Variants in CD2BP2 observed in about 807,000 individuals in gnomAD.
CD2BP2 encodes the protein CD2 cytoplasmic tail binding protein 2.
Under a neutral mutation model 35.9 loss-of-function variants are expected in CD2BP2, and 27 were observed. The observed-to-expected ratio is 0.75, with a 90% CI of 0.55 to 1.04. The LOEUF is 1.04. Ranked by LOEUF, CD2BP2 falls within the 50% of genes least tolerant of loss-of-function variation. CD2BP2 has a pLI of 0.00. For missense variants in CD2BP2, 497 were observed against 444.3 expected, an observed-to-expected ratio of 1.12 and a Z score of -1.07; for synonymous variants, 213 against 173.5, an observed-to-expected ratio of 1.23 and a Z score of -1.79.
In CD2BP2 at chr16:30,353,241, A is replaced by G; in HGVS notation, c.855T>C (p.Tyr285=). The part of the protein sequence containing the change: ...GDGLVDVMWE[Y]KWENTGDAEL... Reference sequence around the variant, plus strand: ...CGGCATCCCCCGTGTTCTCCCACTTATATTCCCACATCACATCCACCAGAC... The same window carrying G: ...CGGCATCCCCCGTGTTCTCCCACTTGTATTCCCACATCACATCCACCAGAC... Residue 285 remains tyrosine, a synonymous_variant, in exon 6 of 7, where the codon TAT becomes TAC. Coordinates refer to ENST00000305596, the MANE Select transcript of CD2BP2 (RefSeq NM_006110.3). 1 of 1,614,112 alleles carries G rather than the reference A, an allele frequency of 6.2e-7. No individual in the cohort carries two copies. The highest frequency in any genetic ancestry group is 8.5e-7 in the Non-Finnish European group (1 of 1,179,998).
In CD2BP2 at chr16:30,353,568, G is replaced by A. The variant is rs1218151046; in HGVS notation, c.608C>T (p.Ser203Phe). 6.2e-7 allele frequency: 1 copy of A among 1,614,166 alleles called. No individual in the cohort carries two copies. Among genetic ancestry groups the A allele is most frequent in the Admixed American group, 1.7e-5 (1 of 60,028 alleles). ...PSSPQRLDRLSGLADQMVARG... is the reference protein window; with the variant it reads ...PSSPQRLDRLFGLADQMVARG... The stretch of plus-strand genomic sequence containing the variant: ...GGCCACCATCTGGTCGGCCAACCCG[G>A]AGAGCCGGTCCAGGCGCTGAGGGGA... The change falls in exon 5 of 7, where the codon TCC becomes TTC. Residue 203 changes from serine (S) to phenylalanine (F), a missense_variant. Ser to Phe is a radical substitution (Grantham distance 155). Transcript: ENST00000305596.
Position 30,353,501 on chromosome 16 carries a change from C to T in CD2BP2, c.675G>A (p.Leu225=), listed in dbSNP as rs1438416655. The T allele has an allele frequency of 1.2e-6, 2 of 1,614,202 alleles. No homozygotes were observed. ...LGVYQETRER[L]AMRLKGLGCQ... ...ACCCCAAACCCTTCAGACGCATAGC[C>T]AACCGTTCCCTTGTTTCCTGGTACA... is the stretch of plus-strand genomic sequence containing the variant. Residue 225 remains leucine, a synonymous_variant, in exon 5 of 7, where the codon TTG becomes TTA. Coordinates refer to ENST00000305596, the MANE Select transcript of CD2BP2 (RefSeq NM_006110.3).
In CD2BP2 at chr16:30,353,952, G is replaced by A; in HGVS notation, c.324C>T (p.Phe108=). The change falls in exon 4 of 7, where the codon TTC becomes TTT. Residue 108 remains phenylalanine (F), a synonymous_variant. Coordinates refer to ENST00000305596, the MANE Select transcript of CD2BP2 (RefSeq NM_006110.3). ...CTCGGATCTGAGCATCCCGGTTCAG[G>A]AAGTAGTTGCCATCGGCATCAAAGT... is the stretch of plus-strand genomic sequence containing the variant. ...EGHFDADGNY[F]LNRDAQIRDS... 1.2e-6 allele frequency: 2 copies of A among 1,614,150 alleles called. No individual in the cohort carries two copies. Among genetic ancestry groups the A allele is most frequent in the Non-Finnish European group, 1.7e-6 (2 of 1,180,028 alleles).
chr16:30,351,332 G>A lies in CD2BP2; in HGVS notation c.*1653C>T, dbSNP rs2049479978. The A allele has an allele frequency of 6.6e-6, 1 of 152,252 alleles. No homozygotes were observed. The highest frequency in any genetic ancestry group is 1.5e-5 in the Non-Finnish European group (1 of 68,124). 9.4% of individuals were successfully genotyped at this position (152,252 alleles called of 1,614,324 possible). On this transcript the variant is annotated 3_prime_UTR_variant, in exon 7 of 7. Transcript: ENST00000305596. ...TACCACGCACGCACTCAGCACCCCT[G>A]AGACCATCCCTGGGGCCTACAGGAG...
At chr16:30,354,471 ACCCATTCCTCAGAGAACCT>A in intron 2 of CD2BP2, 114 bp downstream of exon 2, 2 of 1,355,288 alleles carry the variant, frequency 1.5e-6, no homozygotes, top group Admixed American at 3.8e-5. Context: ...GACGCTCCCA[ACCCATTCCTCAGAGAACCT>A]GAAAAAACTA....
Position 30,355,247 on chromosome 16 carries a change from G to A in CD2BP2, c.-62C>T, listed in dbSNP as rs1010527125. On this transcript the variant is annotated 5_prime_UTR_variant, in exon 1 of 7. Transcript: ENST00000305596. ...GCGGAAGGCGAGGTGGAAAAAAGAA[G>A]AGATGCTTGCGCCAGGGCTACATCC... 4 of 152,676 alleles carry A rather than the reference G, an allele frequency of 2.6e-5. No individual in the cohort carries two copies. Among genetic ancestry groups the A allele is most frequent in the African/African-American group, 9.6e-5 (4 of 41,484 alleles). 9.5% of individuals were successfully genotyped at this position (152,676 alleles called of 1,614,324 possible). A position where few individuals can be genotyped will look rare whatever the true frequency, so the allele number is the denominator to read the frequency against.
chr16:30,353,155 G>A (rs754472808), intron 6 of CD2BP2, 26 bp downstream of exon 6: 1 of 1,608,644 alleles, frequency 6.2e-7, no homozygotes, highest in African/African-American at 1.3e-5. Context: ...CAGGGACAAG[G>A]CAGGAGGAGG....
rs1243089372 is a variant in CD2BP2, at chr16:30,353,596, T to C, written c.580A>G (p.Ser194Gly). Residue 194 changes from serine to glycine, a missense_variant, in exon 5 of 7, where the codon AGT becomes GGT. Transcript: ENST00000305596. ...AGCCGGTCCAGGCGCTGAGGGGAAC[T>C]GGGTTGCCCAGGCCCCTTTCTCCCT... ...GKGRKGPGQP[S>G]SPQRLDRLSG... 1 of 1,614,010 alleles carries C rather than the reference T, an allele frequency of 6.2e-7. No homozygotes were observed. Among genetic ancestry groups the C allele is most frequent in the Non-Finnish European group, 8.5e-7 (1 of 1,179,916 alleles).
chr16:30,353,176 C>T lies in CD2BP2; in HGVS notation c.915+5G>A, dbSNP rs367803684. On this transcript the variant is annotated splice_donor_5th_base_variant and intron_variant, in intron 6 of 6. Coordinates refer to ENST00000305596, the MANE Select transcript of CD2BP2 (RefSeq NM_006110.3). Reference sequence around the variant, plus strand: ...CAAGGCAGGAGGAGGGAGAAAGCAGCTCACCTGCATCTGGGCGCTGGTGAA... The same window carrying T: ...CAAGGCAGGAGGAGGGAGAAAGCAGTTCACCTGCATCTGGGCGCTGGTGAA... 19 of 1,611,418 alleles carry T rather than the reference C, an allele frequency of 1.2e-5. No individual in the cohort carries two copies. The highest frequency in any genetic ancestry group is 5.0e-5 in the Admixed American group (3 of 59,988).
At position 30,354,241 on chromosome 16, in the gene CD2BP2, C is replaced by G. The variant is rs766315019; in HGVS notation, c.160G>C (p.Asp54His). 2 of 1,613,992 alleles carry G rather than the reference C, an allele frequency of 1.2e-6. No homozygotes were observed. Among genetic ancestry groups the G allele is most frequent in the Non-Finnish European group, 1.7e-6 (2 of 1,180,010 alleles). Residue 54 changes from aspartate to histidine, a missense_variant, in exon 3 of 7, where the codon GAT becomes CAT. Coordinates refer to ENST00000305596, the MANE Select transcript of CD2BP2 (RefSeq NM_006110.3). ...TTGCTGGACCCCCCATCATCATCAT[C>G]CTCCTCCTCATCGCTATCCAAAGAG... ...KHSLDSDEEE[D>H]DDDGGSSKYD... is the part of the protein sequence containing the mutation.
At chr16:30,354,767 G>C (rs1025072364) in intron 1 of CD2BP2, 60 bp from the exon 2 acceptor site, 41 of 1,148,896 alleles carry the variant, frequency 3.6e-5, no homozygotes, top group Non-Finnish European at 4.4e-5. Context: ...AACAGACGCA[G>C]CACAGCAAAC....
At position 30,353,485 on chromosome 16, in the gene CD2BP2, C is replaced by T. The variant is rs761729250; in HGVS notation, c.691G>A (p.Gly231Ser). ...TRERLAMRLKGLGCQTLGPHN... is the reference protein window; with the variant it reads ...TRERLAMRLKSLGCQTLGPHN... ...GGTCCTAGGGTCTGACACCCCAAAC[C>T]CTTCAGACGCATAGCCAACCGTTCC... The change falls in exon 5 of 7, where the codon GGT (glycine) becomes AGT (serine). Residue 231 changes from glycine to serine, a missense_variant. By Grantham distance (56) the Gly-to-Ser change is moderately conservative. Transcript: ENST00000305596. The T allele has an allele frequency of 3.7e-6, 6 of 1,614,180 alleles. No homozygotes were observed. Among genetic ancestry groups the T allele is most frequent in the Non-Finnish European group, 5.1e-6 (6 of 1,180,018 alleles).
At position 30,353,658 on chromosome 16, in the gene CD2BP2, C is replaced by G; in HGVS notation, c.518G>C (p.Gly173Ala). ...TCGGGCCCCCAGACGCCTCAGTGCC[C>G]CAGCCACTGTCTCTCTAGGCAATAG... is the stretch of plus-strand genomic sequence containing the variant. ...ELLLPRETVA[G>A]ALRRLGARGG... The change falls in exon 5 of 7, where the codon GGG becomes GCG. Residue 173 changes from glycine (G) to alanine (A), a missense_variant. Physicochemically the swap from Gly to Ala is moderately conservative, Grantham distance 60 (BLOSUM62 0). Transcript: ENST00000305596. 1 of 1,613,884 alleles carries G rather than the reference C, an allele frequency of 6.2e-7. No homozygotes were observed. The highest frequency in any genetic ancestry group is 8.5e-7 in the Non-Finnish European group (1 of 1,179,928).
At position 30,354,227 on chromosome 16, in the gene CD2BP2, C is replaced by T. The variant is rs776929187; in HGVS notation, c.174G>A (p.Gly58=). The change falls in exon 3 of 7, where the codon GGG becomes GGA. Residue 58 remains glycine, a synonymous_variant. Transcript: ENST00000305596. ...DSDEEEDDDD[G]GSSKYDILAS... ...CCAAGATGTCATATTTGCTGGACCC[C>T]CCATCATCATCATCCTCCTCCTCAT... The T allele has an allele frequency of 5.6e-6, 9 of 1,614,098 alleles. No homozygotes were observed. The highest frequency in any genetic ancestry group is 5.0e-5 in the Admixed American group (3 of 60,010).
Position 30,352,816 on chromosome 16 carries a change from C to T in CD2BP2, c.*169G>A. The stretch of plus-strand genomic sequence containing the variant: ...AAGGGACTGTGGAGAAGGCCCCTGG[C>T]TTCTGGCCATCAGCACAGCCAAGGC... On this transcript the variant is annotated 3_prime_UTR_variant, in exon 7 of 7. Coordinates refer to ENST00000305596, the MANE Select transcript of CD2BP2 (RefSeq NM_006110.3). 1.6e-6 allele frequency: 1 copy of T among 610,658 alleles called. No homozygotes were observed. Among genetic ancestry groups the T allele is most frequent in the African/African-American group, 1.8e-5 (1 of 54,060 alleles). 37.8% of individuals were successfully genotyped at this position (610,658 alleles called of 1,614,324 possible). A position where few individuals can be genotyped will look rare whatever the true frequency, so the allele number is the denominator to read the frequency against.
At chr16:30,353,124 A>C (rs1567406557) in intron 6 of CD2BP2, 29 bp from the exon 7 acceptor site, 1 of 1,608,222 alleles carries the variant, frequency 6.2e-7, no homozygotes, top group South Asian at 1.1e-5. Flanking sequence ...GCTGGGGAAC[A>C]ACTGACAGGA....
rs959650839 is a variant in CD2BP2, at chr16:30,352,943, G to A, written c.*42C>T. 5 of 1,290,674 alleles carry A rather than the reference G, an allele frequency of 3.9e-6. No homozygotes were observed. Among genetic ancestry groups the A allele is most frequent in the African/African-American group, 1.5e-5 (1 of 68,538 alleles). 80.0% of individuals were successfully genotyped at this position (1,290,674 alleles called of 1,614,324 possible). ...AGACACTTGGTGCCTCCTCCACAAA[G>A]TCCAGGAAAGAAGGGCCCACCAAAC... On this transcript the variant is annotated 3_prime_UTR_variant, in exon 7 of 7. Transcript: ENST00000305596.
intron 1 of CD2BP2, 127 bp from the exon 2 acceptor site, chr16:30,354,834 G>A (rs150391839): frequency 5.5e-6 from 4 of 728,852 alleles, no homozygotes; most frequent in African/African-American, 1.7e-5. Context: ...CAAAAGCAGG[G>A]GCCGAAAGGA....
Position 30,353,943 on chromosome 16 carries a change from C to G in CD2BP2, c.333G>C (p.Arg111=). ...FDADGNYFLN[R]DAQIRDSWLD... ...GCCAGCTGTCTCGGATCTGAGCATC[C>G]CGGTTCAGGAAGTAGTTGCCATCGG... Residue 111 remains arginine (R), a synonymous_variant, in exon 4 of 7, where the codon CGG becomes CGC. Transcript: ENST00000305596. 1 of 1,614,144 alleles carries G rather than the reference C, an allele frequency of 6.2e-7. No individual in the cohort carries two copies. The highest frequency in any genetic ancestry group is 8.5e-7 in the Non-Finnish European group (1 of 1,180,022).
Sources: gnomAD v4.1 joint callset for allele counts on GRCh38, gnomAD v4.1.1 for gene constraint, MANE v1.5 for transcripts, NCBI Gene and HGNC (gene_info 2026-07-23, HGNC 2026-07-21) for gene names.